NF1: variants seen among roughly 807,000 people sequenced by gnomAD.
NF1 encodes the protein neurofibromin 1.
NF1 carries 122 observed loss-of-function variants against 325.7 expected under a neutral mutation model. The ratio of observed to expected loss-of-function variants is 0.37; its 90% CI spans 0.32 to 0.44. The LOEUF is 0.44. Ranked by LOEUF, NF1 falls within the 20% of genes least tolerant of loss-of-function variation. The pLI is 1.00. For missense variants in NF1, 2,140 were observed against 3,415.4 expected (o/e 0.63, Z 9.31); for synonymous variants, 1,091 against 1,186.0 (o/e 0.92, Z 1.65).
In NF1 at chr17:31,337,661, G is replaced by C. The variant is rs942526346; in HGVS notation, c.6642+79G>C. 8 of 1,444,994 alleles carry C rather than the reference G, an allele frequency of 5.5e-6. No homozygotes were observed. In the Admixed American group the frequency reaches 7.2e-5, roughly 13 times the overall value. 89.5% of individuals were successfully genotyped at this position (1,444,994 alleles called of 1,614,324 possible). The stretch of plus-strand genomic sequence containing the variant: ...GTTAATACTATATAGAAGAAATATT[G>C]GTTTATTGTGCTATTTTGTACTTAA... On this transcript the variant is annotated intron_variant, in intron 43 of 57. Coordinates refer to ENST00000358273, the MANE Select transcript of NF1 (RefSeq NM_001042492.3).
intron 35 of NF1, among the ~76,000 whole-genome samples, chr17:31,262,077 T>C (rs1156714053): frequency 6.6e-6 from 1 of 152,218 alleles, no homozygotes; most frequent in Non-Finnish European, 1.5e-5. Context: ...AATCATATTT[T>C]ATCATCTTGC....
chr17:31,374,939 A>G lies in NF1; in HGVS notation c.*784A>G, dbSNP rs2070709974. 4.5e-6 allele frequency: 1 copy of G among 220,264 alleles called. No individual in the cohort carries two copies. 13.6% of individuals were successfully genotyped at this position (220,264 alleles called of 1,614,324 possible). A position where few individuals can be genotyped will look rare whatever the true frequency, so the allele number is the denominator to read the frequency against. On this transcript the variant is annotated 3_prime_UTR_variant, in exon 58 of 58. Transcript: ENST00000358273. The stretch of plus-strand genomic sequence containing the variant: ...TTTTTCTCCAGTTGATTATCTTTTA[A>G]TTTTTAATTTTGCTAAAGGTGGTTT...
intron 45 of NF1, 43 bp downstream of exon 45, chr17:31,338,182 C>A (rs1486594726): frequency 7.3e-7 from 1 of 1,365,620 alleles, no homozygotes; most frequent in South Asian, 1.2e-5. Context: ...TTATGGTTCT[C>A]AAGTTGTAAA....
At chr17:31,178,495 C>T (rs1475400526) in intron 5 of NF1, among the ~76,000 whole-genome samples, 1 of 152,168 alleles carries the variant, frequency 6.6e-6, no homozygotes, top group Non-Finnish European at 1.5e-5. Context: ...ATCATAATAA[C>T]AAATTCACAC....
In NF1 at chr17:31,173,369, C is replaced by T. The variant is rs562676969; in HGVS notation, c.586+3372C>T. Among the ~76,000 whole-genome samples, 667 of 152,128 alleles carry T rather than the reference C, an allele frequency of 4.4e-3. 3 individuals are homozygous for T. The highest frequency in any genetic ancestry group is 6.7e-3 in the Non-Finnish European group (456 of 68,002). ...AGCTTGCAGTGAGCCGAGATTGTGC[C>T]ACTGCACTCCAGCCTGGGCAACAGA... On this transcript the variant is annotated intron_variant, in intron 5 of 57. Transcript: ENST00000358273.
In NF1 at chr17:31,248,985, T is replaced by A. The variant is rs765957571; in HGVS notation, c.3976T>A (p.Leu1326Ile). ...GATTTTATTTTTATTTTTTTGTAGG[T>A]TAGAACCATCAGAGAGCCTTGAGGA... ...HVSFEVDPTR[L>I]EPSESLEENQ... Residue 1326 changes from leucine (L) to isoleucine (I), a missense_variant and splice_region_variant, in exon 30 of 58, where the codon TTA becomes ATA. By Grantham distance (5) the Leu-to-Ile change is conservative. Coordinates refer to ENST00000358273, the MANE Select transcript of NF1 (RefSeq NM_001042492.3). The A allele has an allele frequency of 8.7e-6, 14 of 1,613,990 alleles. No homozygotes were observed. Among genetic ancestry groups the A allele is most frequent in the Non-Finnish European group, 1.2e-5 (14 of 1,179,918 alleles).
rs1257172062 is a variant in NF1, at chr17:31,324,575, TA to T, written c.4836-1244del. Reference sequence around the variant, plus strand: ...ATACATATATTATTTATTTTATTATTATTTTTTTAAGACAGTCTCACTGTTG... The same window carrying T: ...ATACATATATTATTTATTTTATTATTTTTTTTTAAGACAGTCTCACTGTTG... On this transcript the variant is annotated intron_variant, in intron 36 of 57. Transcript: ENST00000358273. 3.3e-5 allele frequency among the ~76,000 whole-genome samples: 5 copies of T among 152,144 alleles called. No individual in the cohort carries two copies. The East Asian group carries it at 5.8e-4, about 18-fold the overall frequency.
intron 57 of NF1, among the ~76,000 whole-genome samples, chr17:31,362,836 G>T (rs2151590451): frequency 1.3e-5 from 2 of 152,208 alleles, no homozygotes; most frequent in Admixed American, 1.3e-4. Flanking sequence ...AAATAATCTG[G>T]ATGAGAATAA....
In NF1 at chr17:31,302,961, A is replaced by G. The variant is rs16972175; in HGVS notation, c.4836-22859A>G. 9.1e-3 allele frequency among the ~76,000 whole-genome samples: 1,383 copies of G among 152,298 alleles called. 20 individuals carry two copies. The highest frequency in any genetic ancestry group is 0.032 in the African/African-American group (1,324 of 41,562). On this transcript the variant is annotated intron_variant, in intron 36 of 57. Coordinates refer to ENST00000358273, the MANE Select transcript of NF1 (RefSeq NM_001042492.3). ...TCAGGAAAAGTAAGAAGCTCAAGGA[A>G]GTGTTTCTATAGATTAAAAAATTAA...
intron 54 of NF1, 29 bp downstream of exon 54, chr17:31,357,398 C>T (rs2151583579): frequency 6.5e-7 from 1 of 1,543,350 alleles, no homozygotes; most frequent in Non-Finnish European, 9.0e-7. Flanking sequence ...TTTTAATTCA[C>T]CTTCGTGCCT....
chr17:31,351,964 G>C (rs1313062107), intron 50 of NF1, among the ~76,000 whole-genome samples: 1 of 151,860 alleles, frequency 6.6e-6, no homozygotes, highest in Non-Finnish European at 1.5e-5. Context: ...AAAGCTAAGA[G>C]ATTGGACACC....
chr17:31,271,734 G>C (rs1259838810), intron 36 of NF1, among the ~76,000 whole-genome samples: 1 of 151,946 alleles, frequency 6.6e-6, no homozygotes, highest in East Asian at 1.9e-4. Context: ...TGGGCAACAG[G>C]AGTGAAACTC....
rs587782696 is a variant in NF1, at chr17:31,219,030, C to T, written c.1553C>T (p.Thr518Ile). ...LCNPRKQGPE[T>I]QGSTAELITG... Reference sequence around the variant, plus strand: ...AATCCAAGAAAACAGGGGCCCGAAACCCAAGGCAGTACAGCAGAATTAATT... The same window carrying T: ...AATCCAAGAAAACAGGGGCCCGAAATCCAAGGCAGTACAGCAGAATTAATT... The change falls in exon 14 of 58, where the codon ACC (threonine) becomes ATC (isoleucine). Residue 518 changes from threonine (T) to isoleucine (I), a missense_variant. This residue lies in a region of NF1 where 179 missense variants were observed against 381.0 expected (regional missense o/e 0.47). Transcript: ENST00000358273. The T allele has an allele frequency of 5.0e-6, 8 of 1,613,506 alleles. No individual in the cohort carries two copies. The highest frequency in any genetic ancestry group is 2.2e-5 in the East Asian group (1 of 44,890).
At chr17:31,241,964 A>G (rs755480053) in intron 29 of NF1, among the ~76,000 whole-genome samples, 3 of 152,150 alleles carry the variant, frequency 2.0e-5, no homozygotes, top group Middle Eastern at 3.4e-3. Context: ...TGTCTAGGAA[A>G]GTCTTTATTT....
chr17:31,123,764 C>A (rs1428232355), intron 1 of NF1, among the ~76,000 whole-genome samples: 1 of 152,194 alleles, frequency 6.6e-6, no homozygotes, highest in Non-Finnish European at 1.5e-5. Flanking sequence ...AAACTTACTT[C>A]TCACAATTCT....
chr17:31,104,895 A>G (rs1290248185), intron 1 of NF1, among the ~76,000 whole-genome samples: 2 of 152,148 alleles, frequency 1.3e-5, no homozygotes, highest in Non-Finnish European at 2.9e-5. Context: ...ACTGGTTTTT[A>G]AAAATTGTTT....
chr17:31,302,864 G>T (rs2068607980), intron 36 of NF1, among the ~76,000 whole-genome samples: 1 of 152,020 alleles, frequency 6.6e-6, no homozygotes, highest in Non-Finnish European at 1.5e-5. Flanking sequence ...TACTAACTTT[G>T]AAGAATACAT....
intron 1 of NF1, among the ~76,000 whole-genome samples, chr17:31,096,885 A>G (rs947006208): frequency 2.0e-5 from 3 of 152,170 alleles, no homozygotes; most frequent in Non-Finnish European, 4.4e-5. Context: ...GTTACTGCAT[A>G]TAAAAGATTA....
chr17:31,287,637 G>C (rs961205100), intron 36 of NF1, among the ~76,000 whole-genome samples: 8 of 151,526 alleles, frequency 5.3e-5, no homozygotes, highest in Middle Eastern at 3.2e-3. Context: ...TCAGCTCACT[G>C]CAACATCCGC....
Sources: allele counts gnomAD v4.1 joint callset (sites outside exome capture counted in the v4.1 genomes callset), GRCh38; gene constraint gnomAD v4.1.1; regional missense constraint gnomAD v4.1.1; transcripts MANE v1.5; gene names NCBI Gene and HGNC (gene_info 2026-07-23, HGNC 2026-07-21).